PDE11A: variants seen among roughly 807,000 people sequenced by gnomAD.
PDE11A encodes dual 3',5'-cyclic-AMP and -GMP phosphodiesterase 11A.
Under a neutral mutation model 100.5 loss-of-function variants are expected in PDE11A, and 100 were observed. That is an observed-to-expected ratio of 1.00 (90% CI 0.85 to 1.18). The LOEUF is 1.18. PDE11A is among the 50% of genes most tolerant of loss of function. The pLI, the probability that PDE11A is intolerant of heterozygous loss-of-function variation, is 0.00. For missense variants in PDE11A, 1,141 were observed against 1,152.6 expected (o/e 0.99, Z 0.15); for synonymous variants, 381 against 420.8 (o/e 0.91, Z 1.16).
At chr2:177,955,239 T>G (rs184729163) in intron 2 of PDE11A, among the ~76,000 whole-genome samples, 49 of 152,344 alleles carry the variant, frequency 3.2e-4, no homozygotes, top group African/African-American at 1.2e-3. Context: ...TTTTATAGCC[T>G]GGAATGGCTA....
chr2:177,626,716 G>T lies in PDE11A; in HGVS notation c.*2691C>A, dbSNP rs1364181260. ...TCTACTTTCTCCAGTCTTCCCTGCA[G>T]AGACAGCTGTAAAGGGTAGCTAGGA... On this transcript the variant is annotated 3_prime_UTR_variant, in exon 20 of 20. Transcript: ENST00000286063. 2 of 152,426 alleles carry T rather than the reference G, an allele frequency of 1.3e-5. No homozygotes were observed. The highest frequency in any genetic ancestry group is 6.6e-5 in the Admixed American group (1 of 15,266). The allele number at this position is 152,426 out of a possible 1,614,324, so 9.4% of individuals were successfully genotyped here.
At chr2:177,899,911 T>A (rs1017396116) in intron 3 of PDE11A, among the ~76,000 whole-genome samples, 5 of 151,516 alleles carry the variant, frequency 3.3e-5, no homozygotes, top group African/African-American at 9.7e-5. Flanking sequence ...AATTTTTTTT[T>A]AAAACAGCAG....
chr2:177,787,316 C>T (rs376878479), intron 9 of PDE11A, among the ~76,000 whole-genome samples: 19 of 150,434 alleles, frequency 1.3e-4, no homozygotes, highest in East Asian at 5.9e-4. Context: ...AGAAATAAAA[C>T]ACTTTACAGA....
intron 7 of PDE11A, among the ~76,000 whole-genome samples, chr2:177,818,146 G>A (rs941336779): frequency 3.3e-5 from 5 of 151,778 alleles, no homozygotes; most frequent in South Asian, 2.1e-4. Flanking sequence ...TCAGTAGTTC[G>A]GAGTTCTACC....
At chr2:177,680,693 T>C in intron 16 of PDE11A, 133 bp downstream of exon 16, 1 of 575,732 alleles carries the variant, frequency 1.7e-6, no homozygotes, top group South Asian at 2.4e-5. Flanking sequence ...TCAACTGATC[T>C]CTGAATGTTT....
intron 4 of PDE11A, among the ~76,000 whole-genome samples, chr2:177,881,867 C>G (rs2105704907): frequency 6.6e-6 from 1 of 152,298 alleles, no homozygotes; most frequent in South Asian, 2.1e-4. Context: ...AAAAGTTTGC[C>G]AACTTCTCTG....
chr2:177,659,200 G>T (rs1235863360), intron 19 of PDE11A, among the ~76,000 whole-genome samples: 4 of 145,758 alleles, frequency 2.7e-5, no homozygotes, highest in Admixed American at 7.2e-5. Flanking sequence ...GGTGGAAGTT[G>T]CAGTGAGGCG....
intron 14 of PDE11A, among the ~76,000 whole-genome samples, chr2:177,698,783 A>G (rs1474825356): frequency 2.0e-5 from 3 of 152,188 alleles, no homozygotes; most frequent in Non-Finnish European, 4.4e-5. Context: ...TCAGCTGTTA[A>G]GAAGAAGACA....
chr2:178,041,400 C>T (rs369878021), intron 1 of PDE11A, among the ~76,000 whole-genome samples: 2 of 151,810 alleles, frequency 1.3e-5, no homozygotes, highest in African/African-American at 4.8e-5. Context: ...TGCACCACCA[C>T]GCCCGGCTAA....
At chr2:178,082,445 C>A (rs2087298671) in intron 2 of PDE11A, among the ~76,000 whole-genome samples, 1 of 152,120 alleles carries the variant, frequency 6.6e-6, no homozygotes, top group Admixed American at 6.5e-5. Flanking sequence ...TTATAAATTT[C>A]AACCCTCATA....
At chr2:177,738,922 G>A (rs2081833263) in intron 10 of PDE11A, among the ~76,000 whole-genome samples, 2 of 152,216 alleles carry the variant, frequency 1.3e-5, no homozygotes, top group Admixed American at 6.5e-5. Context: ...GAGACCACAT[G>A]AGTTGGTTTA....
chr2:177,949,910 A>G (rs1256327578), intron 2 of PDE11A, among the ~76,000 whole-genome samples: 1 of 152,212 alleles, frequency 6.6e-6, no homozygotes, highest in Non-Finnish European at 1.5e-5. Flanking sequence ...TGACAGTGGA[A>G]TCTAGGTCTC....
At chr2:177,889,363 CA>C in intron 4 of PDE11A, among the ~76,000 whole-genome samples, 1 of 152,222 alleles carries the variant, frequency 6.6e-6, no homozygotes, top group Admixed American at 6.5e-5. Flanking sequence ...CTATTAACAC[CA>C]AATGTGTTTC....
At chr2:177,853,680 A>ATGTGTG (rs1212022176) in intron 5 of PDE11A, among the ~76,000 whole-genome samples, 44 of 36,512 alleles carry the variant, frequency 1.2e-3, no homozygotes, top group African/African-American at 3.9e-3. Flanking sequence ...ATATATATAT[A>ATGTGTG]TGTGTGTGTG....
chr2:177,998,012 G>A (rs1261363012), intron 2 of PDE11A: 1 of 1,233,882 alleles, frequency 8.1e-7, no homozygotes, highest in Non-Finnish European at 1.2e-6. Flanking sequence ...CTTGTGGAAT[G>A]GACAGTTTTA....
intron 2 of PDE11A, among the ~76,000 whole-genome samples, chr2:177,956,079 A>G (rs886914238): frequency 1.3e-5 from 2 of 152,056 alleles, no homozygotes; most frequent in Admixed American, 6.5e-5. Flanking sequence ...TAAACTAAAG[A>G]GCTTCTGCAC....
Position 177,820,220 on chromosome 2 carries a change from C to T in PDE11A, c.1576G>A (p.Gly526Arg), listed in dbSNP as rs763272995. Residue 526 changes from glycine to arginine, a missense_variant and splice_region_variant, in exon 7 of 20, where the codon GGA (glycine) becomes AGA (arginine). Transcript: ENST00000286063. The part of the protein sequence containing the change: ...PIWNSNHQII[G>R]VAQVLNRLDG... ...TTTAACTATTTAGGTCATCTCTTAC[C>T]AATTATTTGGTGGTTGCTATTCCAA... The T allele has an allele frequency of 6.7e-7, 1 of 1,489,930 alleles. No individual in the cohort carries two copies. 92.3% of individuals were successfully genotyped at this position (1,489,930 alleles called of 1,614,324 possible). A position where few individuals can be genotyped will look rare whatever the true frequency, so the allele number is the denominator to read the frequency against.
intron 1 of PDE11A, among the ~76,000 whole-genome samples, chr2:178,023,277 G>T (rs972232968): frequency 2.6e-5 from 4 of 152,116 alleles, no homozygotes; most frequent in Non-Finnish European, 5.9e-5. Context: ...CTTTGAGAAA[G>T]AATTATATTT....
intron 5 of PDE11A, among the ~76,000 whole-genome samples, chr2:177,862,349 A>T (rs188334963): frequency 2.0e-5 from 3 of 152,016 alleles, no homozygotes; most frequent in Non-Finnish European, 3.0e-5. Context: ...TCAAAACTAC[A>T]ATGAGATGCC....
Sources: gnomAD v4.1 joint callset for allele counts (sites outside exome capture counted in the v4.1 genomes callset) on GRCh38, gnomAD v4.1.1 for gene constraint, MANE v1.5 for transcripts, NCBI Gene and HGNC (gene_info 2026-07-23, HGNC 2026-07-21) for gene names.